LDLRAD3: variants seen among roughly 807,000 people sequenced by gnomAD.
LDLRAD3 encodes low-density lipoprotein receptor class A domain-containing protein 3.
A neutral mutation model predicts 29.4 loss-of-function variants in LDLRAD3; 20 were observed. That is an observed-to-expected ratio of 0.68 (90% CI 0.48 to 0.99). The LOEUF is 0.99. Among genes scored for constraint, LDLRAD3 ranks in the 50% least tolerant of loss-of-function variants. The pLI is 0.00. For synonymous variants in LDLRAD3, 157 were observed against 192.7 expected (o/e 0.81, Z 1.53); for missense variants, 420 against 454.3 (o/e 0.92, Z 0.69).
chr11:36,083,209 G>C (rs1208004014), intron 3 of LDLRAD3, among the ~76,000 whole-genome samples: 1 of 152,170 alleles, frequency 6.6e-6, no homozygotes, highest in East Asian at 1.9e-4. Flanking sequence ...TCACTCTGGT[G>C]TTGAACATTC....
At chr11:36,019,991 A>C (rs779639979) in intron 1 of LDLRAD3, among the ~76,000 whole-genome samples, 5 of 152,148 alleles carry the variant, frequency 3.3e-5, no homozygotes, top group South Asian at 2.1e-4. Context: ...CTCTGTGGGC[A>C]TGGGTCATCA....
intron 2 of LDLRAD3, among the ~76,000 whole-genome samples, chr11:36,061,390 C>T (rs1188184405): frequency 1.3e-5 from 2 of 152,174 alleles, no homozygotes; most frequent in African/African-American, 2.4e-5. Context: ...ATCTGCCTGC[C>T]TTGGCCTCCC....
intron 4 of LDLRAD3, among the ~76,000 whole-genome samples, chr11:36,225,231 C>T (rs982593443): frequency 6.6e-6 from 1 of 152,198 alleles, no homozygotes; most frequent in Admixed American, 6.5e-5. Context: ...GCCTCACAGG[C>T]AGAACAAGGA....
chr11:36,044,789 C>T (rs1226915704), intron 2 of LDLRAD3, among the ~76,000 whole-genome samples: 1 of 152,226 alleles, frequency 6.6e-6, no homozygotes, highest in Non-Finnish European at 1.5e-5. Context: ...TTGGAGGTAC[C>T]TCTTCTGCAT....
chr11:36,055,894 T>C (rs1258405537), intron 2 of LDLRAD3, among the ~76,000 whole-genome samples: 1 of 151,862 alleles, frequency 6.6e-6, no homozygotes, highest in Non-Finnish European at 1.5e-5. Flanking sequence ...GACCTGCACA[T>C]GTAGGAATGA....
At chr11:35,955,606 G>A (rs969586319) in intron 1 of LDLRAD3, among the ~76,000 whole-genome samples, 5 of 152,124 alleles carry the variant, frequency 3.3e-5, no homozygotes, top group African/African-American at 7.2e-5. Flanking sequence ...ATAGCATTAA[G>A]CATTAAAATA....
chr11:36,006,338 C>G (rs1305494313), intron 1 of LDLRAD3, among the ~76,000 whole-genome samples: 1 of 152,218 alleles, frequency 6.6e-6, no homozygotes, highest in Non-Finnish European at 1.5e-5. Flanking sequence ...ATGCTCTTGA[C>G]TTTTCCCAGC....
Position 36,229,615 on chromosome 11 carries a change from GTCACT to G in LDLRAD3, c.*219_*223del. ...ATCTGTTGTGCGTCTTTTCTGTCAG[GTCACT>G]CTTCCCTTGGGACCCGAGATCACAC... On this transcript the variant is annotated 3_prime_UTR_variant, in exon 6 of 6. Transcript: ENST00000315571. 6.9e-6 allele frequency: 3 copies of G among 434,872 alleles called. No individual in the cohort carries two copies. Among genetic ancestry groups the G allele is most frequent in the South Asian group, 1.4e-4 (2 of 14,574 alleles). The allele number at this position is 434,872 out of a possible 1,614,324, so 26.9% of individuals were successfully genotyped here.
chr11:36,198,056 A>G (rs1475012996), intron 4 of LDLRAD3, among the ~76,000 whole-genome samples: 2 of 152,150 alleles, frequency 1.3e-5, no homozygotes, highest in Admixed American at 6.5e-5. Context: ...GTCTCTAAAA[A>G]ATACCAAACA....
chr11:36,151,267 G>C (rs748515714), intron 4 of LDLRAD3, among the ~76,000 whole-genome samples: 5 of 152,094 alleles, frequency 3.3e-5, no homozygotes, highest in African/African-American at 1.2e-4. Flanking sequence ...CATAATAGCA[G>C]CTACTGTGTA....
intron 1 of LDLRAD3, among the ~76,000 whole-genome samples, chr11:36,028,590 A>C (rs1290468108): frequency 1.3e-5 from 2 of 152,170 alleles, no homozygotes; most frequent in Admixed American, 6.5e-5. Flanking sequence ...GACATTTATA[A>C]TATATTTTGA....
intron 1 of LDLRAD3, among the ~76,000 whole-genome samples, chr11:36,008,861 G>A (rs1188581168): frequency 6.6e-6 from 1 of 152,196 alleles, no homozygotes; most frequent in African/African-American, 2.4e-5. Flanking sequence ...TTTCCACTGA[G>A]GCCTTATTTT....
chr11:36,050,784 A>G (rs890726582), intron 2 of LDLRAD3, among the ~76,000 whole-genome samples: 1 of 152,082 alleles, frequency 6.6e-6, no homozygotes, highest in African/African-American at 2.4e-5. Flanking sequence ...TTCAAATACC[A>G]CTAACTGGGT....
At chr11:36,133,627 G>T (rs1261462833) in intron 4 of LDLRAD3, among the ~76,000 whole-genome samples, 1 of 146,928 alleles carries the variant, frequency 6.8e-6, no homozygotes, top group Non-Finnish European at 1.5e-5. Context: ...TCCGCCTCCT[G>T]GGTTCACGCC....
chr11:36,139,479 T>C (rs750716407), intron 4 of LDLRAD3, among the ~76,000 whole-genome samples: 1 of 152,230 alleles, frequency 6.6e-6, no homozygotes, highest in Non-Finnish European at 1.5e-5. Context: ...TGTATTGATT[T>C]TTAACAAGAG....
chr11:35,949,896 T>G (rs1851109454), intron 1 of LDLRAD3, among the ~76,000 whole-genome samples: 1 of 152,236 alleles, frequency 6.6e-6, no homozygotes, highest in South Asian at 2.1e-4. Context: ...TCTGAAACCA[T>G]GCCCTCTTGG....
At chr11:36,202,039 G>T (rs953298536) in intron 4 of LDLRAD3, among the ~76,000 whole-genome samples, 2 of 125,106 alleles carry the variant, frequency 1.6e-5, no homozygotes, top group African/African-American at 6.3e-5. Flanking sequence ...ACTTCCTGGG[G>T]ACATCTTTTT....
At chr11:36,201,590 C>T (rs745794120) in intron 4 of LDLRAD3, among the ~76,000 whole-genome samples, 20 of 152,116 alleles carry the variant, frequency 1.3e-4, no homozygotes, top group African/African-American at 4.1e-4. Context: ...ATGGGGAGCA[C>T]GGAATAATTA....
At position 36,182,286 on chromosome 11, in the gene LDLRAD3, A is replaced by G. The variant is rs16928483; in HGVS notation, c.455-44799A>G. Among the ~76,000 whole-genome samples, 1,515 of 152,308 alleles carry G rather than the reference A, an allele frequency of 9.9e-3. 29 individuals are homozygous for G. The highest frequency in any genetic ancestry group is 0.033 in the African/African-American group (1,352 of 41,566). On this transcript the variant is annotated intron_variant, in intron 4 of 5. Coordinates refer to ENST00000315571, the MANE Select transcript of LDLRAD3 (RefSeq NM_174902.4). ...TTGTTTGTGAATCAGTCCTTTCCAG[A>G]TAGAATATATGAGGCTTGAAACTAC...
Sources: gnomAD v4.1 joint callset for allele counts (sites outside exome capture counted in the v4.1 genomes callset) on GRCh38, gnomAD v4.1.1 for gene constraint, MANE v1.5 for transcripts, NCBI Gene and HGNC (gene_info 2026-07-23, HGNC 2026-07-21) for gene names.